DNM3: variants seen among roughly 807,000 people sequenced by gnomAD.
DNM3 encodes dynamin-3.
DNM3 carries 47 observed loss-of-function variants against 101.6 expected under a neutral mutation model. The ratio of observed to expected loss-of-function variants is 0.46; its 90% CI spans 0.37 to 0.59. DNM3 has a LOEUF of 0.59. Among genes scored for constraint, DNM3 ranks in the 20% least tolerant of loss-of-function variants. The probability of loss-of-function intolerance (pLI) is 0.00; values close to 1 mark genes in which losing one functional copy is unlikely to be tolerated. For missense variants in DNM3, 849 were observed against 1,085.7 expected (o/e 0.78, Z 3.06); for synonymous variants, 385 against 387.9 (o/e 0.99, Z 0.09).
intron 14 of DNM3, among the ~76,000 whole-genome samples, chr1:172,173,293 G>A (rs1009737845): frequency 1.3e-5 from 2 of 151,600 alleles, no homozygotes; most frequent in Non-Finnish European, 3.0e-5. Context: ...CAGGGATGAC[G>A]CCAAAGTTTT....
intron 1 of DNM3, among the ~76,000 whole-genome samples, chr1:171,910,690 G>T (rs542378008): frequency 4.1e-4 from 63 of 152,258 alleles, no homozygotes; most frequent in Middle Eastern, 3.4e-3. Context: ...TACTAAAAAT[G>T]ATGACAATGA....
intron 13 of DNM3, among the ~76,000 whole-genome samples, chr1:172,124,357 T>C (rs930964638): frequency 1.4e-4 from 22 of 152,204 alleles, no homozygotes; most frequent in African/African-American, 5.3e-4. Flanking sequence ...ACTTGAAACA[T>C]GGCCGTCTAT....
chr1:171,876,052 G>T (rs12142845), intron 1 of DNM3, among the ~76,000 whole-genome samples: 69,691 of 151,502 alleles, frequency 0.46, 16,110 homozygotes, highest in Middle Eastern at 0.48. Context: ...CTTGTGATCC[G>T]CCCCCCTCGG....
chr1:172,046,366 G>A (rs2125853112), intron 9 of DNM3, among the ~76,000 whole-genome samples: 1 of 152,192 alleles, frequency 6.6e-6, no homozygotes, highest in African/African-American at 2.4e-5. Context: ...GAGAACACAT[G>A]GACACAGGAA....
intron 6 of DNM3, 33 bp from the exon 7 acceptor site, chr1:172,038,286 T>C (rs2125824280): frequency 6.2e-7 from 1 of 1,611,930 alleles, no homozygotes; most frequent in Non-Finnish European, 8.5e-7. Flanking sequence ...TGATTCAATC[T>C]TCAATCTGTG....
chr1:171,862,165 T>G (rs2034240356), intron 1 of DNM3, among the ~76,000 whole-genome samples: 2 of 152,102 alleles, frequency 1.3e-5, no homozygotes, highest in Admixed American at 6.6e-5. Flanking sequence ...TGGAAAACAG[T>G]TTGGCAAATT....
chr1:172,082,653 T>A (rs61807760), intron 12 of DNM3, among the ~76,000 whole-genome samples: 2,184 of 152,312 alleles, frequency 0.014, 32 homozygotes, highest in Non-Finnish European at 0.024. Context: ...CAAAAGAGCC[T>A]ATGTACTTTT....
At chr1:172,061,388 C>T (rs1390221370) in intron 10 of DNM3, among the ~76,000 whole-genome samples, 1 of 150,356 alleles carries the variant, frequency 6.7e-6, no homozygotes, top group Admixed American at 6.6e-5. Context: ...GCTATAAAGA[C>T]ATATGCACAT....
chr1:172,148,427 C>T (rs2058003127), intron 14 of DNM3, among the ~76,000 whole-genome samples: 1 of 151,470 alleles, frequency 6.6e-6, no homozygotes, highest in Non-Finnish European at 1.5e-5. Flanking sequence ...AGAATTACAG[C>T]TCTCTTAAAA....
At chr1:172,091,439 G>A (rs928545962) in intron 12 of DNM3, among the ~76,000 whole-genome samples, 8 of 152,232 alleles carry the variant, frequency 5.3e-5, no homozygotes, top group Admixed American at 4.6e-4. Context: ...GGTGGTCAGA[G>A]TAGTCCTAAC....
At chr1:171,869,858 A>T (rs2035110234) in intron 1 of DNM3, among the ~76,000 whole-genome samples, 1 of 152,230 alleles carries the variant, frequency 6.6e-6, no homozygotes. Flanking sequence ...TGGAGACTGA[A>T]AACTTTTACA....
intron 2 of DNM3, among the ~76,000 whole-genome samples, chr1:171,973,542 C>T (rs2044161951): frequency 6.6e-6 from 1 of 151,994 alleles, no homozygotes; most frequent in African/African-American, 2.4e-5. Flanking sequence ...ATTCTCTTGC[C>T]CTCACTGAAA....
intron 15 of DNM3, among the ~76,000 whole-genome samples, chr1:172,266,514 A>G (rs1243640635): frequency 1.3e-5 from 2 of 152,246 alleles, no homozygotes; most frequent in African/African-American, 2.4e-5. Context: ...TAAACAAGAC[A>G]CCAGGATAAA....
chr1:172,140,665 G>C (rs973771308), intron 14 of DNM3: 1 of 151,778 alleles, frequency 6.6e-6, no homozygotes, highest in Non-Finnish European at 1.5e-5. Flanking sequence ...TTTTATTAAG[G>C]CAAGATATAA....
intron 15 of DNM3, among the ~76,000 whole-genome samples, chr1:172,281,441 T>C (rs897679492): frequency 6.6e-6 from 1 of 152,130 alleles, no homozygotes; most frequent in African/African-American, 2.4e-5. Flanking sequence ...TTAAGTAATC[T>C]GTGAGCTGAC....
chr1:172,404,138 A>T (rs1456031427), intron 20 of DNM3, among the ~76,000 whole-genome samples: 1 of 152,094 alleles, frequency 6.6e-6, no homozygotes, highest in Non-Finnish European at 1.5e-5. Context: ...TAGGATTTTT[A>T]ATGACTAAGT....
At chr1:171,997,949 T>A (rs1395147316) in intron 4 of DNM3, among the ~76,000 whole-genome samples, 1 of 152,140 alleles carries the variant, frequency 6.6e-6, no homozygotes, top group Non-Finnish European at 1.5e-5. Context: ...TTAATTCAAG[T>A]GAAATGAGTT....
At chr1:171,868,786 T>C (rs1204550667) in intron 1 of DNM3, among the ~76,000 whole-genome samples, 2 of 152,170 alleles carry the variant, frequency 1.3e-5, no homozygotes, top group African/African-American at 2.4e-5. Context: ...CTTTGTACAA[T>C]TTCTTTTTTT....
rs2043297965 is a variant in DNM3 at position 171,962,686 on chromosome 1, CT to C, written c.236-24969del. Among the ~76,000 whole-genome samples, 4 of 152,264 alleles carry C rather than the reference CT, an allele frequency of 2.6e-5. No homozygotes were observed. In the South Asian group the frequency reaches 8.3e-4, roughly 32 times the overall value. Reference sequence around the variant, plus strand: ...TAAGAAGATTCATGAGTACTCCCCTCTCCTGATTTCTTCTAAACCTAATTAC... The same window carrying C: ...TAAGAAGATTCATGAGTACTCCCCTCCCTGATTTCTTCTAAACCTAATTAC... On this transcript the variant is annotated intron_variant, in intron 2 of 20. Coordinates refer to ENST00000627582, the MANE Select transcript of DNM3 (RefSeq NM_015569.5).
Sources: gnomAD v4.1 joint callset for allele counts (sites outside exome capture counted in the v4.1 genomes callset) on GRCh38, gnomAD v4.1.1 for gene constraint, MANE v1.5 for transcripts, NCBI Gene and HGNC (gene_info 2026-07-23, HGNC 2026-07-21) for gene names.